Variants in RAD51 observed in about 807,000 individuals in gnomAD.
RAD51 encodes the protein RAD51 recombinase.
A neutral mutation model predicts 41.5 loss-of-function variants in RAD51; 14 were observed. That is an observed-to-expected ratio of 0.34 (90% CI 0.22 to 0.53). The LOEUF (loss-of-function observed/expected upper bound fraction) is 0.53. Among genes scored for constraint, RAD51 ranks in the 20% least tolerant of loss-of-function variants. The pLI is 0.95. For synonymous variants in RAD51, 136 were observed against 148.6 expected (o/e 0.92, Z 0.62); for missense variants, 234 against 422.0 (o/e 0.55, Z 3.90).
chr15:40,731,935 T>C lies in RAD51; in HGVS notation c.*757T>C, dbSNP rs1896894908. 1 of 208,856 alleles carries C rather than the reference T, an allele frequency of 4.8e-6. No homozygotes were observed. The highest frequency in any genetic ancestry group is 9.7e-6 in the Non-Finnish European group (1 of 102,780). 12.9% of individuals were successfully genotyped at this position (208,856 alleles called of 1,614,324 possible). A position where few individuals can be genotyped will look rare whatever the true frequency, so the allele number is the denominator to read the frequency against. On this transcript the variant is annotated 3_prime_UTR_variant, in exon 10 of 10. Coordinates refer to ENST00000267868, the MANE Select transcript of RAD51 (RefSeq NM_002875.5). ...TCTCTACAAAAAATGCAGAACTTAA[T>C]CTGGACACACTGTTACACGTGCCTG...
At chr15:40,701,018 T>G (rs1894953127) in intron 2 of RAD51, 46 bp from the exon 3 acceptor site, 2 of 1,613,410 alleles carry the variant, frequency 1.2e-6, no homozygotes, top group Non-Finnish European at 1.7e-6. Context: ...TGTGTTAGAT[T>G]AGAGAACTAA....
intron 3 of RAD51, among the ~76,000 whole-genome samples, chr15:40,702,208 C>T (rs749058665): frequency 1.3e-5 from 2 of 152,116 alleles, no homozygotes; most frequent in Non-Finnish European, 2.9e-5. Context: ...GGTTCTGAGT[C>T]CCTAACAGTA....
rs566708346 is a variant in RAD51, at chr15:40,705,673, C to T, written c.226-504C>T. Among the ~76,000 whole-genome samples, 13 of 152,278 alleles carry T rather than the reference C, an allele frequency of 8.5e-5. No individual in the cohort carries two copies. The South Asian group carries it at 1.9e-3, about 22-fold the overall frequency. On this transcript the variant is annotated intron_variant, in intron 3 of 9. Coordinates refer to ENST00000267868, the MANE Select transcript of RAD51 (RefSeq NM_002875.5). ...AGGCTGGAGTACAGTGGCGCGATCT[C>T]GGCTCACTGCAAGCTCCGCCTCCCG...
chr15:40,699,636 T>G (rs1243329910), intron 2 of RAD51, among the ~76,000 whole-genome samples: 2 of 152,220 alleles, frequency 1.3e-5, no homozygotes, highest in Non-Finnish European at 2.9e-5. Context: ...TTCTGGGAAT[T>G]ATAGCGGCCT....
intron 7 of RAD51, 55 bp from the exon 8 acceptor site, chr15:40,729,450 A>G: frequency 1.3e-6 from 2 of 1,577,146 alleles, no homozygotes; most frequent in Admixed American, 1.7e-5. Flanking sequence ...TAAGGAAGGG[A>G]CCAGAATCTG....
Position 40,731,672 on chromosome 15 carries a change from G to A in RAD51, c.*494G>A, listed in dbSNP as rs915870463. The A allele has an allele frequency of 8.2e-6, 2 of 245,346 alleles. No individual in the cohort carries two copies. Among genetic ancestry groups the A allele is most frequent in the Non-Finnish European group, 1.6e-5 (2 of 123,832 alleles). 15.2% of individuals were successfully genotyped at this position (245,346 alleles called of 1,614,324 possible). ...TTAAGTTGTCTGTCTGAATGATCTT[G>A]TGTAAGGTTTTGGTTATGGAGTCTT... On this transcript the variant is annotated 3_prime_UTR_variant, in exon 10 of 10. Transcript: ENST00000267868.
chr15:40,698,189 T>G (rs1894768227), intron 1 of RAD51, among the ~76,000 whole-genome samples: 1 of 151,822 alleles, frequency 6.6e-6, no homozygotes, highest in South Asian at 2.1e-4. Context: ...TGAACTTTTT[T>G]TTTTTTGTTT....
chr15:40,711,265 G>A (rs12592524), intron 5 of RAD51, among the ~76,000 whole-genome samples: 98,823 of 151,942 alleles, frequency 0.65, 32,758 homozygotes, highest in East Asian at 0.93. Flanking sequence ...AACAAAAACA[G>A]ACAATTAAAA....
intron 7 of RAD51, among the ~76,000 whole-genome samples, chr15:40,729,038 G>C (rs1019885762): frequency 6.6e-6 from 1 of 152,028 alleles, no homozygotes; most frequent in African/African-American, 2.4e-5. Context: ...CTTGTTAAAC[G>C]GTGCCTCAGA....
At chr15:40,721,535 G>A (rs891304039) in intron 6 of RAD51, among the ~76,000 whole-genome samples, 1 of 152,010 alleles carries the variant, frequency 6.6e-6, no homozygotes, top group Non-Finnish European at 1.5e-5. Context: ...AATACACGTG[G>A]TCTCGCTGTC....
intron 6 of RAD51, among the ~76,000 whole-genome samples, chr15:40,727,071 C>T (rs571581188): frequency 7.9e-5 from 12 of 151,930 alleles, no homozygotes; most frequent in Non-Finnish European, 1.8e-4. Flanking sequence ...TCTGGTAAAC[C>T]TTCTCTGTTT....
chr15:40,708,285 G>A (rs1248436111), intron 4 of RAD51, among the ~76,000 whole-genome samples: 3 of 144,472 alleles, frequency 2.1e-5, no homozygotes, highest in African/African-American at 7.8e-5. Context: ...CTGGAGTGCA[G>A]TGGCGTGATC....
At chr15:40,713,994 C>CTT (rs749995356) in intron 5 of RAD51, among the ~76,000 whole-genome samples, 46 of 114,926 alleles carry the variant, frequency 4.0e-4, no homozygotes, top group African/African-American at 1.3e-3. Context: ...GAAATAAATT[C>CTT]TTTTTTTTTT....
At chr15:40,716,751 C>A (rs904795019) in intron 5 of RAD51, among the ~76,000 whole-genome samples, 14 of 150,318 alleles carry the variant, frequency 9.3e-5, no homozygotes, top group African/African-American at 2.9e-4. Flanking sequence ...AGCTCTGCCT[C>A]CCAGGTTCAC....
intron 6 of RAD51, 57 bp from the exon 7 acceptor site, chr15:40,728,654 T>C: frequency 7.1e-7 from 1 of 1,398,962 alleles, no homozygotes; most frequent in South Asian, 1.2e-5. Flanking sequence ...CAGAAACAAA[T>C]TGCTCATCTG....
intron 2 of RAD51, among the ~76,000 whole-genome samples, chr15:40,700,806 A>G (rs1360643896): frequency 6.6e-6 from 1 of 152,222 alleles, no homozygotes; most frequent in African/African-American, 2.4e-5. Flanking sequence ...TATCAAAAAA[A>G]AGTATACAGG....
At chr15:40,701,697 T>C (rs997318936) in intron 3 of RAD51, 7 of 219,696 alleles carry the variant, frequency 3.2e-5, no homozygotes, top group Admixed American at 2.1e-4. Context: ...TTTTGTTTTA[T>C]GAACCTATTT....
intron 6 of RAD51, among the ~76,000 whole-genome samples, chr15:40,724,845 A>G (rs1162449712): frequency 1.5e-5 from 2 of 133,806 alleles, no homozygotes; most frequent in Non-Finnish European, 3.2e-5. Flanking sequence ...CACCCGGCTA[A>G]TTTTTTTGTA....
chr15:40,718,101 A>G (rs1011705844), intron 5 of RAD51, among the ~76,000 whole-genome samples: 2 of 152,058 alleles, frequency 1.3e-5, no homozygotes, highest in East Asian at 1.9e-4. Flanking sequence ...GTGCACACCT[A>G]TGGTCTCAGC....
Sources: allele counts gnomAD v4.1 joint callset (sites outside exome capture counted in the v4.1 genomes callset), GRCh38; gene constraint gnomAD v4.1.1; transcripts MANE v1.5; gene names NCBI Gene and HGNC (gene_info 2026-07-23, HGNC 2026-07-21).